Variants in PSD3 observed in about 807,000 individuals in gnomAD.
PSD3 encodes pleckstrin and Sec7 domain containing 3.
PSD3 carries 49 observed loss-of-function variants against 105.5 expected under a neutral mutation model. That is an observed-to-expected ratio of 0.46 (90% CI 0.37 to 0.59). The LOEUF is 0.59. Among genes scored for constraint, PSD3 ranks in the 20% least tolerant of loss-of-function variants. The pLI is 0.00. For missense variants in PSD3, 1,561 were observed against 1,263.8 expected (o/e 1.24, Z -3.57); for synonymous variants, 557 against 457.8 (o/e 1.22, Z -2.77).
intron 10 of PSD3, among the ~76,000 whole-genome samples, chr8:18,646,804 C>T (rs1808070820): frequency 6.6e-6 from 1 of 151,788 alleles, no homozygotes; most frequent in Admixed American, 6.6e-5. Context: ...AGAATCAATG[C>T]TGAGTTAAGT....
At chr8:18,763,019 A>G in intron 9 of PSD3, 1 of 744,686 alleles carries the variant, frequency 1.3e-6, no homozygotes, top group Non-Finnish European at 2.0e-6. Flanking sequence ...CTCCAATCCC[A>G]CAACACCTAG....
intron 9 of PSD3, among the ~76,000 whole-genome samples, chr8:18,750,107 A>G (rs1805349437): frequency 1.3e-5 from 2 of 152,182 alleles, no homozygotes. Context: ...AACGACAGCA[A>G]TATAAAACTA....
chr8:18,776,043 T>C (rs780913181), intron 8 of PSD3, among the ~76,000 whole-genome samples: 13 of 152,066 alleles, frequency 8.5e-5, no homozygotes, highest in Non-Finnish European at 1.2e-4. Context: ...GTTAAGAGTC[T>C]AGTTTGATTC....
intron 1 of PSD3, among the ~76,000 whole-genome samples, chr8:18,989,912 A>G (rs1825701283): frequency 6.6e-6 from 1 of 152,212 alleles, no homozygotes; most frequent in South Asian, 2.1e-4. Context: ...GATGTAACAC[A>G]AAGCAATATC....
chr8:18,685,748 T>C (rs1800628217), intron 9 of PSD3, among the ~76,000 whole-genome samples: 1 of 152,154 alleles, frequency 6.6e-6, no homozygotes, highest in Admixed American at 6.6e-5. Flanking sequence ...ATAGACTTAG[T>C]TCTAACTTAA....
intron 14 of PSD3, among the ~76,000 whole-genome samples, chr8:18,560,630 C>A (rs1240956761): frequency 6.6e-6 from 1 of 151,752 alleles, no homozygotes; most frequent in East Asian, 1.9e-4. Context: ...ATCAGTAAGA[C>A]CTTTCATAAT....
In PSD3 at chr8:18,871,960, G is replaced by T. The variant is rs1817386990; in HGVS notation, c.904C>A (p.Gln302Lys). ...CCTGTCCACAGTATTTCCACTCCTT[G>T]AAATTCCACATGTTTGACCCGGCCT... The part of the protein sequence containing the change: ...RPGRVKHVEF[Q>K]GVEILWTGGD... Residue 302 changes from glutamine (Q) to lysine (K), a missense_variant, in exon 3 of 16, where the codon CAA (glutamine) becomes AAA (lysine). By Grantham distance (53) the Gln-to-Lys change is moderately conservative (BLOSUM62 1). Transcript: ENST00000327040. The T allele has an allele frequency of 2.5e-6, 4 of 1,614,118 alleles. No individual in the cohort carries two copies. The Admixed American group carries it at 6.7e-5, about 27-fold the overall frequency.
chr8:19,032,353 T>C (rs1287843868), intron 1 of PSD3, among the ~76,000 whole-genome samples: 1 of 152,024 alleles, frequency 6.6e-6, no homozygotes, highest in Admixed American at 6.6e-5. Flanking sequence ...CAAATTAAAA[T>C]TGAAAGCAGC....
intron 1 of PSD3, among the ~76,000 whole-genome samples, chr8:19,058,565 G>A (rs1828785700): frequency 6.6e-6 from 1 of 151,428 alleles, no homozygotes; most frequent in African/African-American, 2.4e-5. Flanking sequence ...ACAGACACAA[G>A]TCAATTTTAC....
intron 1 of PSD3, among the ~76,000 whole-genome samples, chr8:18,982,005 T>C (rs532679870): frequency 6.6e-6 from 1 of 152,342 alleles, no homozygotes; most frequent in East Asian, 1.9e-4. Flanking sequence ...ACAATGTTGT[T>C]TGACAGCATC....
intron 2 of PSD3, among the ~76,000 whole-genome samples, chr8:18,889,568 C>G (rs539275408): frequency 6.6e-6 from 1 of 152,158 alleles, no homozygotes; most frequent in African/African-American, 2.4e-5. Context: ...CTGTCTTGCC[C>G]GTTCCCTTCT....
intron 9 of PSD3, among the ~76,000 whole-genome samples, chr8:18,685,172 C>CT (rs1263930859): frequency 7.2e-5 from 11 of 152,170 alleles, no homozygotes; most frequent in African/African-American, 1.7e-4. Flanking sequence ...AATGTATACA[C>CT]TTTTTTTTAC....
intron 9 of PSD3, chr8:18,763,062 C>G: frequency 2.0e-6 from 1 of 506,602 alleles, no homozygotes; most frequent in South Asian, 1.5e-5. Flanking sequence ...TAAATGTTTC[C>G]AGCTACAAAA....
intron 3 of PSD3, among the ~76,000 whole-genome samples, chr8:18,870,011 T>C (rs2129457078): frequency 6.6e-6 from 1 of 152,252 alleles, no homozygotes; most frequent in Admixed American, 6.5e-5. Flanking sequence ...TAAAAGTGCA[T>C]ATTCCAGTGG....
At chr8:18,995,812 T>C (rs1034015908) in intron 1 of PSD3, among the ~76,000 whole-genome samples, 3 of 151,672 alleles carry the variant, frequency 2.0e-5, no homozygotes, top group Non-Finnish European at 2.9e-5. Flanking sequence ...TCACCATCAA[T>C]AGAAACAGCA....
intron 1 of PSD3, among the ~76,000 whole-genome samples, chr8:18,977,798 T>G (rs1431288565): frequency 6.6e-6 from 1 of 152,224 alleles, no homozygotes; most frequent in East Asian, 1.9e-4. Context: ...TTATATTTTC[T>G]TCTTTTTACT....
intron 4 of PSD3, among the ~76,000 whole-genome samples, chr8:18,841,201 T>C (rs1244666611): frequency 1.3e-5 from 2 of 152,200 alleles, no homozygotes; most frequent in African/African-American, 4.8e-5. Context: ...TTGGATGGCT[T>C]AGCAGACTGC....
chr8:19,078,180 G>C (rs4921991), intron 1 of PSD3, among the ~76,000 whole-genome samples: 53,572 of 151,796 alleles, frequency 0.35, 10,345 homozygotes, highest in East Asian at 0.6. Context: ...ACAGGCATGA[G>C]TCACCGAGCC....
At chr8:18,857,312 C>G (rs1247425069) in intron 4 of PSD3, among the ~76,000 whole-genome samples, 1 of 152,192 alleles carries the variant, frequency 6.6e-6, no homozygotes, top group African/African-American at 2.4e-5. Context: ...GATCATGGAT[C>G]ACCTGGGAAT....
Sources: gnomAD v4.1 joint callset for allele counts (sites outside exome capture counted in the v4.1 genomes callset) on GRCh38, gnomAD v4.1.1 for gene constraint, MANE v1.5 for transcripts, NCBI Gene and HGNC (gene_info 2026-07-23, HGNC 2026-07-21) for gene names.